Variants in CD55 observed in about 807,000 individuals in gnomAD.
CD55 encodes the protein CD55 molecule (Cromer blood group), also known as complement decay-accelerating factor.
Under a neutral mutation model 45.8 loss-of-function variants are expected in CD55, and 41 were observed. That is an observed-to-expected ratio of 0.90 (90% confidence interval 0.70 to 1.16). The LOEUF (loss-of-function observed/expected upper bound fraction) is 1.16, where lower values mean the gene tolerates loss of function less well. Among genes scored for constraint, CD55 ranks in the 50% most tolerant of loss-of-function variants. The pLI, the probability that CD55 is intolerant of heterozygous loss-of-function variation, is 0.00. For missense variants in CD55, 416 were observed against 469.8 expected, an observed-to-expected ratio of 0.89 and a Z score of 1.06; for synonymous variants, 181 against 181.1, an observed-to-expected ratio of 1.00 and a Z score of 0.01.
At chr1:207,350,856 G>A (rs565445772) in intron 9 of CD55, among the ~76,000 whole-genome samples, 2 of 152,024 alleles carry the variant, frequency 1.3e-5, no homozygotes, top group South Asian at 2.1e-4. Flanking sequence ...ATTCAGTTCA[G>A]CTCTGATTTT....
At chr1:207,335,511 C>T (rs1655129704) in intron 6 of CD55, among the ~76,000 whole-genome samples, 1 of 152,162 alleles carries the variant, frequency 6.6e-6, no homozygotes, top group Non-Finnish European at 1.5e-5. Context: ...GTAGTATATA[C>T]ATTCTCTGGA....
intron 9 of CD55, chr1:207,354,038 G>T: frequency 6.5e-7 from 1 of 1,535,372 alleles, no homozygotes. Flanking sequence ...AAGTGTCTGG[G>T]TCATCCCACA....
At chr1:207,339,489 A>ATTGTCTTCTTGTTTT in intron 9 of CD55, 72 bp downstream of exon 9, 2 of 1,127,298 alleles carry the variant, frequency 1.8e-6, no homozygotes, top group Non-Finnish European at 2.6e-6. Context: ...TTCCTGGGAG[A>ATTGTCTTCTTGTTTT]TAATATTGTC....
intron 9 of CD55, among the ~76,000 whole-genome samples, chr1:207,346,795 G>GT (rs1360404963): frequency 6.6e-6 from 1 of 152,162 alleles, no homozygotes; most frequent in Non-Finnish European, 1.5e-5. Context: ...GGACTCAGTG[G>GT]TTTATAGTAC....
At chr1:207,350,430 A>G (rs868119057) in intron 9 of CD55, among the ~76,000 whole-genome samples, 2 of 152,204 alleles carry the variant, frequency 1.3e-5, no homozygotes, top group Middle Eastern at 3.4e-3. Context: ...TATGATTGGT[A>G]CCGGCTCTTG....
At chr1:207,342,204 T>C (rs913934340) in intron 9 of CD55, among the ~76,000 whole-genome samples, 4 of 152,186 alleles carry the variant, frequency 2.6e-5, no homozygotes, top group Admixed American at 6.5e-5. Flanking sequence ...TTTGACTTCC[T>C]CTATTCCAGT....
At chr1:207,332,537 T>C (rs1654995681) in intron 6 of CD55, among the ~76,000 whole-genome samples, 1 of 152,226 alleles carries the variant, frequency 6.6e-6, no homozygotes, top group Admixed American at 6.5e-5. Context: ...TGATAATGAT[T>C]GTTAGGGAGA....
At chr1:207,323,276 T>G (rs577244981) in intron 2 of CD55, among the ~76,000 whole-genome samples, 28 of 151,290 alleles carry the variant, frequency 1.9e-4, no homozygotes, top group East Asian at 3.9e-4. Context: ...TAGGGAGATA[T>G]ATATATATAG....
chr1:207,354,457 A>G (rs1157803354), intron 9 of CD55, among the ~76,000 whole-genome samples: 1 of 152,238 alleles, frequency 6.6e-6, no homozygotes, highest in Non-Finnish European at 1.5e-5. Flanking sequence ...TCAACACTGC[A>G]ATACAGTTCT....
Position 207,335,319 on chromosome 1 carries a change from GT to G in CD55, c.854-1368del, listed in dbSNP as rs1346455552. On this transcript the variant is annotated intron_variant, in intron 6 of 9. Transcript: ENST00000367064. ...ATCTATTAGGACCGATGACAGGTATGTTTTTTCAAGTGCGCATGGGCTATTT... is the reference window on the plus strand; with the variant it reads ...ATCTATTAGGACCGATGACAGGTATGTTTTTCAAGTGCGCATGGGCTATTT... Among the ~76,000 whole-genome samples the G allele has an allele frequency of 3.9e-5, 6 of 152,268 alleles. No homozygotes were observed. In the East Asian group the frequency reaches 1.2e-3, roughly 29 times the overall value.
At chr1:207,325,531 A>C in intron 3 of CD55, 91 bp from the exon 4 acceptor site, 7 of 679,734 alleles carry the variant, frequency 1.0e-5, no homozygotes, top group Non-Finnish European at 1.8e-5. Flanking sequence ...CAGTCAAGCT[A>C]ATTAACATAT....
At chr1:207,358,095 C>T (rs927954942) in intron 9 of CD55, among the ~76,000 whole-genome samples, 3 of 152,068 alleles carry the variant, frequency 2.0e-5, no homozygotes, top group African/African-American at 7.2e-5. Flanking sequence ...TTGCAGTGAA[C>T]TTAATTGCTT....
In CD55 at chr1:207,321,844, T is replaced by C; in HGVS notation, c.79T>C (p.Leu27=). Residue 27 remains leucine (L), a synonymous_variant, in exon 1 of 10, where the codon TTG becomes CTG. Coordinates refer to ENST00000367064, the MANE Select transcript of CD55 (RefSeq NM_000574.5). ...ELPRLLLLVL[L]CLPAVWGDCG... ...GCCCCGGCTGCTGCTGCTGGTGCTG[T>C]TGTGCCTGCCGGCCGTGTGGGGTGA... The C allele has an allele frequency of 6.5e-7, 1 of 1,529,274 alleles. No homozygotes were observed. Among genetic ancestry groups the C allele is most frequent in the African/African-American group, 1.4e-5 (1 of 72,296 alleles). 94.7% of individuals were successfully genotyped at this position (1,529,274 alleles called of 1,614,324 possible).
chr1:207,348,247 T>C (rs1288219759), intron 9 of CD55, among the ~76,000 whole-genome samples: 1 of 152,216 alleles, frequency 6.6e-6, no homozygotes, highest in African/African-American at 2.4e-5. Flanking sequence ...TTTCACTTTT[T>C]AATAATAGCC....
chr1:207,350,663 T>C (rs1655832602), intron 9 of CD55, among the ~76,000 whole-genome samples: 1 of 152,192 alleles, frequency 6.6e-6, no homozygotes, highest in African/African-American at 2.4e-5. Context: ...AAATAGTCTC[T>C]GAGGGTGTTT....
chr1:207,360,347 C>G lies in CD55; in HGVS notation c.*737C>G, dbSNP rs55662115. The G allele has an allele frequency of 1.2e-4, 19 of 152,198 alleles. No homozygotes were observed. The East Asian group carries it at 3.7e-3, about 29-fold the overall frequency. The allele number at this position is 152,198 out of a possible 1,614,324, so 9.4% of individuals were successfully genotyped here. ...ATTTCTGAATCGAGATGTCCATAGT[C>G]AAATTTGTAAATCTTATTCTTTTGT... On this transcript the variant is annotated 3_prime_UTR_variant, in exon 10 of 10. Transcript: ENST00000367064.
At chr1:207,352,512 T>A (rs1330938031) in intron 9 of CD55, among the ~76,000 whole-genome samples, 6 of 151,988 alleles carry the variant, frequency 3.9e-5, no homozygotes, top group Admixed American at 3.9e-4. Context: ...ACCTCTGGAG[T>A]CAAACCAGTC....
chr1:207,329,007 A>C (rs1654812944), intron 5 of CD55, among the ~76,000 whole-genome samples: 1 of 152,168 alleles, frequency 6.6e-6, no homozygotes, highest in African/African-American at 2.4e-5. Context: ...AGACATGTCC[A>C]CCACATCCAC....
At chr1:207,346,164 A>T (rs897929563) in intron 9 of CD55, among the ~76,000 whole-genome samples, 1 of 152,226 alleles carries the variant, frequency 6.6e-6, no homozygotes, top group African/African-American at 2.4e-5. Context: ...GGACACAAGC[A>T]GTCTGTGCCA....
Sources: allele counts gnomAD v4.1 joint callset (sites outside exome capture counted in the v4.1 genomes callset), GRCh38; gene constraint gnomAD v4.1.1; transcripts MANE v1.5; gene names NCBI Gene and HGNC (gene_info 2026-07-23, HGNC 2026-07-21).